NAV2: variants seen among roughly 807,000 people sequenced by gnomAD.
NAV2 encodes the protein helicase, APC down-regulated 1.
A neutral mutation model predicts 223.2 loss-of-function variants in NAV2; 54 were observed. The observed-to-expected ratio is 0.24, with a 90% confidence interval of 0.19 to 0.30. NAV2 has a LOEUF of 0.30. Ranked by LOEUF, NAV2 falls within the 10% of genes least tolerant of loss-of-function variation. The pLI, the probability that NAV2 is intolerant of heterozygous loss-of-function variation, is 1.00. For synonymous variants in NAV2, 1,279 were observed against 1,239.3 expected, an observed-to-expected ratio of 1.03 and a Z score of -0.67; for missense variants, 2,806 against 3,147.5, an observed-to-expected ratio of 0.89 and a Z score of 2.60.
intron 13 of NAV2, 73 bp downstream of exon 13, chr11:20,044,345 G>T: frequency 7.5e-7 from 1 of 1,329,234 alleles, no homozygotes; most frequent in South Asian, 1.4e-5. Context: ...CTCTAGCAAG[G>T]ACTTGACATT....
intron 1 of NAV2, among the ~76,000 whole-genome samples, chr11:19,453,671 C>T (rs565076831): frequency 3.9e-5 from 6 of 152,258 alleles, no homozygotes; most frequent in South Asian, 4.2e-4. Flanking sequence ...GGCCTTGGAG[C>T]GGAGGCCATG....
At chr11:19,641,661 T>C (rs764401426) in intron 1 of NAV2, among the ~76,000 whole-genome samples, 3 of 151,974 alleles carry the variant, frequency 2.0e-5, no homozygotes, top group South Asian at 2.1e-4. Context: ...GCGTTTGCAC[T>C]GGCTGCTCCT....
intron 7 of NAV2, 84 bp from the exon 8 acceptor site, chr11:19,939,577 T>C: frequency 1.0e-6 from 1 of 956,156 alleles, no homozygotes. Context: ...GAGGTGATGG[T>C]GAGGGCTGTG....
intron 8 of NAV2, among the ~76,000 whole-genome samples, chr11:19,941,145 C>A (rs562585390): frequency 9.2e-5 from 14 of 152,254 alleles, no homozygotes; most frequent in African/African-American, 3.1e-4. Context: ...GGAGAATATT[C>A]CAAATATTAC....
At chr11:19,921,591 A>G (rs532436727) in intron 6 of NAV2, among the ~76,000 whole-genome samples, 6 of 152,378 alleles carry the variant, frequency 3.9e-5, no homozygotes, top group Admixed American at 2.6e-4. Flanking sequence ...TGAAAATACT[A>G]TATCTTGTAC....
At chr11:19,666,053 G>A (rs1423490539) in intron 1 of NAV2, among the ~76,000 whole-genome samples, 2 of 152,154 alleles carry the variant, frequency 1.3e-5, no homozygotes, top group Admixed American at 1.3e-4. Context: ...ATGCCTGCAA[G>A]TAAGATATTA....
chr11:19,576,867 G>A (rs866120002), intron 1 of NAV2, among the ~76,000 whole-genome samples: 6 of 152,190 alleles, frequency 3.9e-5, no homozygotes, highest in Admixed American at 2.6e-4. Context: ...TGTGTCTGTG[G>A]CCTGGGAAGG....
At chr11:19,777,405 CTTT>C (rs200083334) in intron 1 of NAV2, 93 of 409,924 alleles carry the variant, frequency 2.3e-4, no homozygotes, top group East Asian at 9.4e-4. Flanking sequence ...GGTGCTTCGG[CTTT>C]TTTTTTTTTT....
chr11:19,688,720 T>G (rs80279903), intron 1 of NAV2, among the ~76,000 whole-genome samples: 2,177 of 152,226 alleles, frequency 0.014, 49 homozygotes, highest in African/African-American at 0.05. Context: ...GGCTGAGAGA[T>G]TCTGAACAAA....
chr11:19,347,456 G>A (rs922357054), upstream of NAV2, among the ~76,000 whole-genome samples: 2 of 152,200 alleles, frequency 1.3e-5, no homozygotes, highest in South Asian at 4.1e-4. Flanking sequence ...AGAGGAAGAA[G>A]GATTTGGGCA....
intron 1 of NAV2, among the ~76,000 whole-genome samples, chr11:19,607,511 A>G (rs1432745461): frequency 1.3e-5 from 2 of 152,192 alleles, no homozygotes; most frequent in Non-Finnish European, 2.9e-5. Context: ...ATGTTGTCTG[A>G]CTGCTACTTA....
intron 5 of NAV2, among the ~76,000 whole-genome samples, chr11:19,884,052 C>T (rs2063377726): frequency 6.6e-6 from 1 of 152,216 alleles, no homozygotes; most frequent in African/African-American, 2.4e-5. Context: ...AAGAAACACA[C>T]ACATGAATAC....
chr11:19,695,889 A>ATAAAATAAAATAAAG (rs1455320169), intron 1 of NAV2, among the ~76,000 whole-genome samples: 2 of 46,056 alleles, frequency 4.3e-5, no homozygotes, highest in African/African-American at 7.9e-5. Flanking sequence ...GGATGAAATA[A>ATAAAATAAAATAAAG]TAAAATAAAA....
At chr11:19,857,950 G>A (rs200128001) in intron 3 of NAV2, among the ~76,000 whole-genome samples, 1 of 152,084 alleles carries the variant, frequency 6.6e-6, no homozygotes, top group Non-Finnish European at 1.5e-5. Flanking sequence ...TCCACCTCCC[G>A]GGTTCATGCC....
chr11:19,612,726 T>C (rs1390347374), intron 1 of NAV2, among the ~76,000 whole-genome samples: 1 of 152,156 alleles, frequency 6.6e-6, no homozygotes, highest in Non-Finnish European at 1.5e-5. Context: ...GGCAAAACCA[T>C]TCAACAAGTC....
At chr11:19,591,446 C>G (rs2046058212) in intron 1 of NAV2, among the ~76,000 whole-genome samples, 1 of 152,190 alleles carries the variant, frequency 6.6e-6, no homozygotes, top group African/African-American at 2.4e-5. Context: ...TACTTAGGAA[C>G]AGTCTTATTT....
At chr11:19,640,449 C>A (rs1204489514) in intron 1 of NAV2, among the ~76,000 whole-genome samples, 1 of 151,486 alleles carries the variant, frequency 6.6e-6, no homozygotes, top group Non-Finnish European at 1.5e-5. Flanking sequence ...CATAAATACA[C>A]ATATGTAAAT....
At chr11:19,862,270 G>C (rs1275832512) in intron 3 of NAV2, among the ~76,000 whole-genome samples, 2 of 152,202 alleles carry the variant, frequency 1.3e-5, no homozygotes, top group East Asian at 3.8e-4. Flanking sequence ...ATTATAAACA[G>C]TATGGTGGAT....
intron 1 of NAV2, among the ~76,000 whole-genome samples, chr11:19,463,425 A>T (rs938991342): frequency 6.6e-5 from 10 of 152,342 alleles, no homozygotes; most frequent in African/African-American, 1.9e-4. Context: ...GTATCATTTC[A>T]CACTGAGCTC....
Sources: gnomAD v4.1 joint callset for allele counts (sites outside exome capture counted in the v4.1 genomes callset) on GRCh38, gnomAD v4.1.1 for gene constraint, MANE v1.5 for transcripts, NCBI Gene and HGNC (gene_info 2026-07-23, HGNC 2026-07-21) for gene names.